Variants in XKR6 observed in about 807,000 individuals in gnomAD.
XKR6 encodes the protein XK related 6.
A neutral mutation model predicts 56.7 loss-of-function variants in XKR6; 22 were observed. That is an observed-to-expected ratio of 0.39 (90% CI 0.28 to 0.55). The LOEUF is 0.55. Among genes scored for constraint, XKR6 ranks in the 20% least tolerant of loss-of-function variants. The pLI, the probability that XKR6 is intolerant of heterozygous loss-of-function variation, is 0.66. For missense variants in XKR6, 852 were observed against 889.0 expected (o/e 0.96, Z 0.53); for synonymous variants, 524 against 387.8 (o/e 1.35, Z -4.13).
intron 1 of XKR6, among the ~76,000 whole-genome samples, chr8:10,971,739 A>G (rs966428583): frequency 6.6e-6 from 1 of 152,156 alleles, no homozygotes; most frequent in East Asian, 1.9e-4. Context: ...CAAAGAGAGG[A>G]CGGATGTGGG....
chr8:11,190,354 C>G (rs1206994127), intron 1 of XKR6, among the ~76,000 whole-genome samples: 1 of 152,170 alleles, frequency 6.6e-6, no homozygotes, highest in African/African-American at 2.4e-5. Flanking sequence ...ATGTTTCCAA[C>G]AGGTCAACAG....
At chr8:11,028,055 C>G (rs1286070086) in intron 1 of XKR6, among the ~76,000 whole-genome samples, 1 of 152,092 alleles carries the variant, frequency 6.6e-6, no homozygotes, top group Non-Finnish European at 1.5e-5. Context: ...TCTGTACCCA[C>G]CATTACATTA....
intron 1 of XKR6, among the ~76,000 whole-genome samples, chr8:11,034,537 TG>T (rs1799089286): frequency 6.6e-6 from 1 of 152,192 alleles, no homozygotes; most frequent in African/African-American, 2.4e-5. Flanking sequence ...TTTTACTCTA[TG>T]GGCAACAGAG....
intron 1 of XKR6, chr8:11,138,237 G>GA (rs1156757589): frequency 6.5e-6 from 1 of 153,432 alleles, no homozygotes; most frequent in Non-Finnish European, 1.4e-5. Flanking sequence ...CATGTGTGGT[G>GA]TCTCATGTTG....
chr8:11,164,198 C>G (rs1393058088), intron 1 of XKR6, among the ~76,000 whole-genome samples: 2 of 152,208 alleles, frequency 1.3e-5, no homozygotes, highest in Non-Finnish European at 2.9e-5. Flanking sequence ...TCAGGTAGAG[C>G]AGTGAGGTTT....
chr8:11,193,383 T>A (rs1396615893), intron 1 of XKR6, among the ~76,000 whole-genome samples: 1 of 152,216 alleles, frequency 6.6e-6, no homozygotes, highest in Non-Finnish European at 1.5e-5. Context: ...TGCTGTAGTA[T>A]GTTTTGAGCT....
intron 1 of XKR6, among the ~76,000 whole-genome samples, chr8:10,978,163 C>T (rs1802622833): frequency 6.6e-6 from 1 of 152,156 alleles, no homozygotes; most frequent in Admixed American, 6.5e-5. Flanking sequence ...CCATTACCAT[C>T]ACCACCTAAG....
At chr8:11,004,900 C>G (rs990588221) in intron 1 of XKR6, among the ~76,000 whole-genome samples, 3 of 152,150 alleles carry the variant, frequency 2.0e-5, no homozygotes, top group Non-Finnish European at 4.4e-5. Context: ...ATGGATGAAC[C>G]TTGCAGACCT....
intron 1 of XKR6, among the ~76,000 whole-genome samples, chr8:10,932,450 A>G (rs566450911): frequency 6.5e-4 from 97 of 150,026 alleles, no homozygotes; most frequent in Middle Eastern, 3.4e-3. Context: ...TATACTTTAA[A>G]TTTTAGGGTA....
chr8:11,166,125 T>G (rs1802057698), intron 1 of XKR6, among the ~76,000 whole-genome samples: 1 of 152,054 alleles, frequency 6.6e-6, no homozygotes, highest in Non-Finnish European at 1.5e-5. Context: ...CCCAGCTAAT[T>G]TTTGTATTTT....
chr8:10,969,803 TC>T (rs1358606701), intron 1 of XKR6, among the ~76,000 whole-genome samples: 1 of 152,210 alleles, frequency 6.6e-6, no homozygotes, highest in Non-Finnish European at 1.5e-5. Flanking sequence ...GAAGCTGATG[TC>T]CCAAGAGAGC....
intron 1 of XKR6, among the ~76,000 whole-genome samples, chr8:10,958,471 G>T (rs553992306): frequency 6.6e-6 from 1 of 152,236 alleles, no homozygotes; most frequent in Non-Finnish European, 1.5e-5. Context: ...CAGCTACTCA[G>T]GGCAGGGGTC....
intron 1 of XKR6, among the ~76,000 whole-genome samples, chr8:11,191,996 G>C (rs1803605376): frequency 6.6e-6 from 1 of 152,114 alleles, no homozygotes; most frequent in South Asian, 2.1e-4. Context: ...GATAGGATAT[G>C]TGTTAAATAC....
chr8:10,937,666 G>C lies in XKR6; in HGVS notation c.765-12836C>G, dbSNP rs1468288678. Among the ~76,000 whole-genome samples the C allele has an allele frequency of 2.7e-5, 4 of 149,198 alleles. No homozygotes were observed. In the South Asian group the frequency reaches 6.5e-4, roughly 24 times the overall value. On this transcript the variant is annotated intron_variant, in intron 1 of 2. Transcript: ENST00000416569. ...TCTGTTGGAATACCCTGCCGTGTGA[G>C]GTGTCAGTGTGCCCCTGCTGGGGGG...
intron 1 of XKR6, among the ~76,000 whole-genome samples, chr8:11,116,821 T>C (rs541977131): frequency 6.6e-6 from 1 of 152,344 alleles, no homozygotes; most frequent in East Asian, 1.9e-4. Flanking sequence ...ACTTGATGTT[T>C]TGTAATGCAG....
intron 1 of XKR6, among the ~76,000 whole-genome samples, chr8:11,104,160 T>C (rs1188143917): frequency 6.6e-6 from 1 of 152,206 alleles, no homozygotes; most frequent in Admixed American, 6.5e-5. Context: ...AAACACTTAA[T>C]GTAGCGTATG....
intron 1 of XKR6, among the ~76,000 whole-genome samples, chr8:11,141,231 A>G (rs886132794): frequency 1.3e-5 from 2 of 152,206 alleles, no homozygotes; most frequent in African/African-American, 4.8e-5. Flanking sequence ...GACAAAGCAA[A>G]TAAGTAATTC....
At chr8:11,075,459 T>A (rs766926786) in intron 1 of XKR6, among the ~76,000 whole-genome samples, 3 of 152,166 alleles carry the variant, frequency 2.0e-5, no homozygotes, top group African/African-American at 4.8e-5. Flanking sequence ...CCAGCCCAGG[T>A]TGATGACAGG....
At chr8:10,932,108 T>G (rs970747297) in intron 1 of XKR6, among the ~76,000 whole-genome samples, 1 of 152,064 alleles carries the variant, frequency 6.6e-6, no homozygotes, top group Non-Finnish European at 1.5e-5. Context: ...ACGTTACAAG[T>G]AAATAGGGAA....
Sources: allele counts gnomAD v4.1 joint callset (sites outside exome capture counted in the v4.1 genomes callset), GRCh38; gene constraint gnomAD v4.1.1; transcripts MANE v1.5; gene names NCBI Gene and HGNC (gene_info 2026-07-23, HGNC 2026-07-21).